The following CREBRF variants were observed in gnomAD, a reference collection of about 807,000 sequenced individuals.
The protein encoded by CREBRF is CREB3 regulatory factor, also known as UPF0474 protein C5orf41.
A neutral mutation model predicts 66.1 loss-of-function variants in CREBRF; 5 were observed. The ratio of observed to expected loss-of-function variants is 0.08; its 90% confidence interval spans 0.04 to 0.16. The LOEUF is 0.16. Among genes scored for constraint, CREBRF ranks in the 10% least tolerant of loss-of-function variants. CREBRF has a pLI of 1.00. For missense variants in CREBRF, 531 were observed against 744.9 expected (o/e 0.71, Z 3.34); for synonymous variants, 229 against 264.4 (o/e 0.87, Z 1.30).
rs371639516 is a variant in CREBRF at position 173,086,523 on chromosome 5, C to T, written c.32C>T (p.Pro11Leu). 27 of 1,613,362 alleles carry T rather than the reference C, an allele frequency of 1.7e-5. No homozygotes were observed. The highest frequency in any genetic ancestry group is 8.9e-5 in the East Asian group (4 of 44,862). MPQPSVSGMD[P>L]PFGDAFRSHT... ...TAGCCTAGTGTAAGCGGAATGGATC[C>T]GCCTTTCGGGGATGCCTTTCGAAGC... The change falls in exon 3 of 9, where the codon CCG becomes CTG. Residue 11 changes from proline to leucine, a missense_variant. Physicochemically the swap from Pro to Leu is moderately conservative, Grantham distance 98 (BLOSUM62 -3). This residue lies in a region of CREBRF where 133 missense variants were observed against 215.6 expected (regional missense o/e 0.62). Coordinates refer to ENST00000296953, the MANE Select transcript of CREBRF (RefSeq NM_153607.3).
At chr5:173,120,024 A>G (rs1031352378) in intron 7 of CREBRF, among the ~76,000 whole-genome samples, 1 of 152,120 alleles carries the variant, frequency 6.6e-6, no homozygotes, top group African/African-American at 2.4e-5. Flanking sequence ...ATTTCATATT[A>G]TTCTATTCTA....
chr5:173,105,462 G>A (rs1758727265), intron 4 of CREBRF, among the ~76,000 whole-genome samples: 1 of 151,900 alleles, frequency 6.6e-6, no homozygotes, highest in Non-Finnish European at 1.5e-5. Flanking sequence ...TGTAACAAGG[G>A]CCTTTTATTT....
chr5:173,086,423 T>G (rs1758150285), intron 2 of CREBRF, 78 bp from the exon 3 acceptor site: 1 of 1,244,718 alleles, frequency 8.0e-7, no homozygotes, highest in African/African-American at 1.5e-5. Flanking sequence ...TTAGTGGGGG[T>G]GGGGTTGGGG....
intron 1 of CREBRF, among the ~76,000 whole-genome samples, chr5:173,069,099 T>G (rs903747419): frequency 6.6e-6 from 1 of 151,852 alleles, no homozygotes; most frequent in Non-Finnish European, 1.5e-5. Context: ...AAAAGGATTC[T>G]GAGTTGAGTT....
intron 2 of CREBRF, 30 bp downstream of exon 2, chr5:173,080,814 T>C: frequency 6.2e-7 from 1 of 1,608,632 alleles, no homozygotes; most frequent in South Asian, 1.1e-5. Context: ...TGCAAAGTTT[T>C]TTATTTTCCC....
intron 7 of CREBRF, among the ~76,000 whole-genome samples, chr5:173,119,812 A>G (rs1759095911): frequency 6.6e-6 from 1 of 152,054 alleles, no homozygotes; most frequent in Admixed American, 6.6e-5. Context: ...TTTATTATGA[A>G]TGGGTGTTGA....
At chr5:173,077,408 T>G (rs1335499034) in intron 1 of CREBRF, among the ~76,000 whole-genome samples, 1 of 152,130 alleles carries the variant, frequency 6.6e-6, no homozygotes. Context: ...GAACACTTTT[T>G]TTTGAGACCG....
chr5:173,086,057 A>AGT, intron 2 of CREBRF: 2 of 937,662 alleles, frequency 2.1e-6, no homozygotes, highest in Non-Finnish European at 1.8e-6. Context: ...AAAATCCAAG[A>AGT]GTGTATGGTT....
chr5:173,103,647 A>G (rs919469322), intron 4 of CREBRF, among the ~76,000 whole-genome samples: 14 of 152,192 alleles, frequency 9.2e-5, no homozygotes, highest in Non-Finnish European at 1.9e-4. Context: ...GAAAGGTGCA[A>G]AATGGAGTTT....
chr5:173,059,039 TC>T (rs1757176199), intron 1 of CREBRF, among the ~76,000 whole-genome samples: 1 of 151,678 alleles, frequency 6.6e-6, no homozygotes, highest in African/African-American at 2.4e-5. Context: ...CTTTAGGTGA[TC>T]CACCCACCTC....
intron 3 of CREBRF, among the ~76,000 whole-genome samples, chr5:173,087,653 C>T (rs1251466227): frequency 1.3e-5 from 2 of 149,852 alleles, no homozygotes; most frequent in Non-Finnish European, 3.0e-5. Context: ...CCAAGATCGC[C>T]CCATAGCATT....
At chr5:173,088,255 CTTTTTTTTTTTTT>C (rs536962764) in intron 3 of CREBRF, among the ~76,000 whole-genome samples, 6 of 66,864 alleles carry the variant, frequency 9.0e-5, no homozygotes, top group East Asian at 5.2e-4. Context: ...CAAATACATT[CTTTTTTTTTTTTT>C]TTTTTTTTTT....
At chr5:173,078,912 T>G (rs1757850481) in intron 1 of CREBRF, among the ~76,000 whole-genome samples, 1 of 152,210 alleles carries the variant, frequency 6.6e-6, no homozygotes, top group African/African-American at 2.4e-5. Context: ...AAGATTATAC[T>G]GATCCACTTT....
intron 1 of CREBRF, among the ~76,000 whole-genome samples, chr5:173,069,996 G>C (rs568111173): frequency 1.3e-5 from 2 of 151,676 alleles, no homozygotes; most frequent in African/African-American, 4.8e-5. Flanking sequence ...CCGAGTTCAA[G>C]CGATTCTCAT....
chr5:173,080,256 G>C (rs779957198), intron 1 of CREBRF, among the ~76,000 whole-genome samples: 2 of 151,536 alleles, frequency 1.3e-5, no homozygotes, highest in African/African-American at 2.4e-5. Flanking sequence ...AACATAAAAT[G>C]AATGAGAGCT....
chr5:173,120,890 G>C (rs369284034), intron 7 of CREBRF, among the ~76,000 whole-genome samples: 10 of 151,410 alleles, frequency 6.6e-5, no homozygotes, highest in South Asian at 2.1e-4. Flanking sequence ...ATGGGGTTTC[G>C]TCATGTTGGC....
At chr5:173,118,306 G>T (rs370628418) in intron 7 of CREBRF, among the ~76,000 whole-genome samples, 1 of 152,168 alleles carries the variant, frequency 6.6e-6, no homozygotes. Context: ...GAGCCACCAT[G>T]CCTGGCCCTC....
intron 2 of CREBRF, among the ~76,000 whole-genome samples, chr5:173,081,756 C>G (rs1349543128): frequency 6.6e-6 from 1 of 151,994 alleles, no homozygotes; most frequent in Non-Finnish European, 1.5e-5. Flanking sequence ...CCTGTCTTTA[C>G]TAAAAATACA....
chr5:173,125,870 AC>A (rs745984479), intron 8 of CREBRF, among the ~76,000 whole-genome samples: 2 of 152,124 alleles, frequency 1.3e-5, no homozygotes, highest in Admixed American at 6.5e-5. Context: ...TTTCAAAAAA[AC>A]AAAACAAAAC....
Sources: allele counts gnomAD v4.1 joint callset (sites outside exome capture counted in the v4.1 genomes callset), GRCh38; gene constraint gnomAD v4.1.1; regional missense constraint gnomAD v4.1.1; transcripts MANE v1.5; gene names NCBI Gene and HGNC (gene_info 2026-07-23, HGNC 2026-07-21).